The following PUS7 variants were observed in gnomAD, a reference collection of about 807,000 sequenced individuals.
PUS7 encodes the protein pseudouridine synthase 7, also known as pseudouridylate synthase 7 homolog.
Under a neutral mutation model 79.8 loss-of-function variants are expected in PUS7, and 48 were observed. The observed-to-expected ratio is 0.60, with a 90% CI of 0.48 to 0.76. The LOEUF (loss-of-function observed/expected upper bound fraction) is 0.76. Among genes scored for constraint, PUS7 ranks in the 30% least tolerant of loss-of-function variants. The pLI is 0.00. For synonymous variants in PUS7, 286 were observed against 272.2 expected, an observed-to-expected ratio of 1.05 and a Z score of -0.50; for missense variants, 729 against 797.6, an observed-to-expected ratio of 0.91 and a Z score of 1.04.
intron 1 of PUS7, among the ~76,000 whole-genome samples, chr7:105,517,166 C>CTTTTTTTTTTTTTTTTTTTTTTTT (rs1289590315): frequency 2.7e-5 from 4 of 146,630 alleles, no homozygotes; most frequent in African/African-American, 4.9e-5. Flanking sequence ...CTTCACATTT[C>CTTTTTTTTTTTTTTTTTTTTTTTT]TTTTTTTGGC....
intron 12 of PUS7, 119 bp downstream of exon 12, chr7:105,468,218 C>CCACCGTGCCT: frequency 1.5e-6 from 2 of 1,358,030 alleles, no homozygotes; most frequent in South Asian, 2.9e-5. Context: ...TGGGCGTGTA[C>CCACCGTGCCT]CACCGTGCCT....
In PUS7 at chr7:105,495,196, T is replaced by G. The variant is rs1294062738; in HGVS notation, c.788A>C (p.Tyr263Ser). 1.2e-6 allele frequency: 2 copies of G among 1,613,070 alleles called. 1 individual carries two copies. Among genetic ancestry groups the G allele is most frequent in the Middle Eastern group, 3.3e-4 (2 of 6,030 alleles). ...SRGSYCHFVL[Y>S]KENKDTMDAI... ...ATCCATGGTGTCTTTGTTTTCCTTATATAGTACGAAGTGGCAGTAACTTCC... is the reference window on the plus strand; with the variant it reads ...ATCCATGGTGTCTTTGTTTTCCTTAGATAGTACGAAGTGGCAGTAACTTCC... The change falls in exon 6 of 16, where the codon TAT becomes TCT. Residue 263 changes from tyrosine to serine, a missense_variant. Coordinates refer to ENST00000469408, the MANE Select transcript of PUS7 (RefSeq NM_019042.5).
At chr7:105,474,630 A>T (rs7780617) in intron 9 of PUS7, among the ~76,000 whole-genome samples, 10,436 of 146,050 alleles carry the variant, frequency 0.071, 1,152 homozygotes, top group African/African-American at 0.24. Flanking sequence ...AAAAAAAAAA[A>T]AATAATCGGG....
intron 6 of PUS7, among the ~76,000 whole-genome samples, chr7:105,493,021 G>A (rs1395010439): frequency 3.3e-5 from 5 of 152,162 alleles, no homozygotes; most frequent in Admixed American, 3.3e-4. Context: ...TGGCTAGCCA[G>A]CAACAAAAAA....
chr7:105,481,568 TC>T (rs965929974), intron 8 of PUS7, among the ~76,000 whole-genome samples: 2 of 152,146 alleles, frequency 1.3e-5, no homozygotes, highest in African/African-American at 2.4e-5. Flanking sequence ...CTCACCACTA[TC>T]TACTTCCCAA....
intron 9 of PUS7, among the ~76,000 whole-genome samples, chr7:105,475,392 A>G (rs796519738): frequency 6.6e-5 from 10 of 151,842 alleles, no homozygotes; most frequent in African/African-American, 2.2e-4. Context: ...TCACTGTGTT[A>G]GCCAGGATGG....
At chr7:105,488,178 C>T (rs992870583) in intron 7 of PUS7, among the ~76,000 whole-genome samples, 2 of 152,156 alleles carry the variant, frequency 1.3e-5, no homozygotes, top group Non-Finnish European at 2.9e-5. Context: ...GTGACATCTG[C>T]TGGCTGACCA....
Position 105,502,562 on chromosome 7 carries a change from A to G in PUS7, c.588T>C (p.Val196=). The stretch of plus-strand genomic sequence containing the variant: ...TTCTTTTCTCTTTGGTGTCCTCGAT[A>G]ACCTATTAAAAAAAACAGATAGCAA... The part of the protein sequence containing the change: ...KNKETSVAIE[V]IEDTKEKRTI... The change falls in exon 5 of 16, where the codon GTT becomes GTC. Residue 196 remains valine, a splice_region_variant and synonymous_variant. Coordinates refer to ENST00000469408, the MANE Select transcript of PUS7 (RefSeq NM_019042.5). 1 of 1,613,532 alleles carries G rather than the reference A, an allele frequency of 6.2e-7. No individual in the cohort carries two copies.
At chr7:105,503,289 A>G (rs1449081708) in intron 4 of PUS7, among the ~76,000 whole-genome samples, 1 of 152,212 alleles carries the variant, frequency 6.6e-6, no homozygotes, top group Non-Finnish European at 1.5e-5. Flanking sequence ...TAGGGATCCT[A>G]CATGAAAATG....
Position 105,457,771 on chromosome 7 carries a change from T to G in PUS7, c.*19A>C, listed in dbSNP as rs1450944628. ...GCAAACACTTGTGTACGTTTTCTAA[T>G]CTGTGGACAAGGTACTGCTCAGCGA... On this transcript the variant is annotated 3_prime_UTR_variant, in exon 16 of 16. Coordinates refer to ENST00000469408, the MANE Select transcript of PUS7 (RefSeq NM_019042.5). 7 of 1,610,178 alleles carry G rather than the reference T, an allele frequency of 4.3e-6. No homozygotes were observed. The highest frequency in any genetic ancestry group is 5.9e-6 in the Non-Finnish European group (7 of 1,177,854).
At chr7:105,499,326 C>T (rs1300735402) in intron 5 of PUS7, among the ~76,000 whole-genome samples, 1 of 152,272 alleles carries the variant, frequency 6.6e-6, no homozygotes, top group East Asian at 1.9e-4. Context: ...CTTCTTTGTA[C>T]CTGTCTAGCT....
intron 5 of PUS7, among the ~76,000 whole-genome samples, chr7:105,499,747 G>C (rs1825174497): frequency 6.6e-6 from 1 of 152,114 alleles, no homozygotes; most frequent in Non-Finnish European, 1.5e-5. Flanking sequence ...AGAATATTGT[G>C]AATCTGCTAG....
At position 105,462,749 on chromosome 7, in the gene PUS7, A is replaced by C. The variant is rs2133042466; in HGVS notation, c.1629T>G (p.Ile543Met). The change falls in exon 14 of 16, where the codon ATT (isoleucine) becomes ATG (methionine). Residue 543 changes from isoleucine to methionine, a missense_variant and splice_region_variant. Coordinates refer to ENST00000469408, the MANE Select transcript of PUS7 (RefSeq NM_019042.5). The stretch of plus-strand genomic sequence containing the variant: ...TGAGCATTTCCCTGTAGGCTTCTTG[A>C]ACTAATATAAAATACAAAAAGTTAG... ...GFDVIYPKHK[I>M]QEAYREMLTA... is the part of the protein sequence containing the mutation. 1 of 1,608,378 alleles carries C rather than the reference A, an allele frequency of 6.2e-7. No homozygotes were observed. Among genetic ancestry groups the C allele is most frequent in the Middle Eastern group, 1.7e-4 (1 of 6,056 alleles).
At chr7:105,477,015 A>G (rs1017520585) in intron 9 of PUS7, among the ~76,000 whole-genome samples, 4 of 152,068 alleles carry the variant, frequency 2.6e-5, no homozygotes, top group African/African-American at 9.7e-5. Flanking sequence ...ATTTTCTCCT[A>G]TTCTGTGGGT....
chr7:105,508,871 T>TAAA (rs34249093), intron 1 of PUS7, among the ~76,000 whole-genome samples: 2 of 22,890 alleles, frequency 8.7e-5, no homozygotes, highest in Non-Finnish European at 1.6e-4. Flanking sequence ...GACATTGTCT[T>TAAA]AAAAAAAAAA....
chr7:105,463,716 C>T (rs967070435), intron 13 of PUS7, among the ~76,000 whole-genome samples: 2 of 151,618 alleles, frequency 1.3e-5, no homozygotes, highest in Non-Finnish European at 2.9e-5. Context: ...CTTTTGCTAG[C>T]CTTCTACTCA....
chr7:105,516,190 C>T (rs746784287), intron 1 of PUS7, among the ~76,000 whole-genome samples: 2 of 152,086 alleles, frequency 1.3e-5, no homozygotes, highest in Non-Finnish European at 2.9e-5. Context: ...AGTGATCCAC[C>T]CACATTGGCC....
chr7:105,518,941 T>G (rs1298795389), intron 1 of PUS7, among the ~76,000 whole-genome samples: 1 of 151,412 alleles, frequency 6.6e-6, no homozygotes, highest in Non-Finnish European at 1.5e-5. Context: ...GCTAATTTTT[T>G]GTATTTTTAA....
At chr7:105,516,309 A>T (rs1354474392) in intron 1 of PUS7, among the ~76,000 whole-genome samples, 1 of 152,152 alleles carries the variant, frequency 6.6e-6, no homozygotes, top group African/African-American at 2.4e-5. Context: ...ATATTTTTCT[A>T]AGTTCTGTCC....
Sources: allele counts gnomAD v4.1 joint callset (sites outside exome capture counted in the v4.1 genomes callset), GRCh38; gene constraint gnomAD v4.1.1; transcripts MANE v1.5; gene names NCBI Gene and HGNC (gene_info 2026-07-23, HGNC 2026-07-21).